Variants in CLIC2 observed in about 807,000 individuals in gnomAD.
CLIC2 encodes chloride intracellular channel protein 2.
Under a neutral mutation model 14.8 loss-of-function variants are expected in CLIC2, and 9 were observed. The observed-to-expected ratio is 0.61, with a 90% confidence interval of 0.37 to 1.06. The LOEUF is 1.06. Among genes scored for constraint, CLIC2 ranks in the 50% least tolerant of loss-of-function variants. The probability of loss-of-function intolerance (pLI) is 0.01; values close to 1 mark genes in which losing one functional copy is unlikely to be tolerated. For synonymous variants in CLIC2, 61 were observed against 66.3 expected (o/e 0.92, Z 0.39); for missense variants, 148 against 181.4 (o/e 0.82, Z 1.06).
intron 1 of CLIC2, among the ~76,000 whole-genome samples, chrX:155,317,831 AC>A (rs1195167137): frequency 2.0e-4 from 22 of 112,169 alleles, no homozygotes; most frequent in African/African-American, 7.1e-4. Flanking sequence ...ATTAAATCCA[AC>A]AGCATATCAA....
intron 3 of CLIC2, among the ~76,000 whole-genome samples, chrX:155,286,628 C>G (rs1298295909): frequency 8.9e-6 from 1 of 112,434 alleles, no homozygotes; most frequent in Non-Finnish European, 1.9e-5. Context: ...TTCTCCACAA[C>G]CTTGCCAGCA....
chrX:155,298,739 T>C, intron 3 of CLIC2, 46 bp downstream of exon 3: 1 of 1,196,768 alleles, frequency 8.4e-7, no homozygotes, highest in South Asian at 1.8e-5. Context: ...AACAAGCCAG[T>C]AAAATAGATT....
chrX:155,278,319 C>T lies in CLIC2; in HGVS notation c.583-255G>A, dbSNP rs782629134. ...TGACTATATTTAGAGGAAGGAACCA[C>T]AGAAAATGAGCACATATCCACCACG... On this transcript the variant is annotated intron_variant, in intron 5 of 5. Transcript: ENST00000369449. Among the ~76,000 whole-genome samples, 3 of 111,810 alleles carry T rather than the reference C, an allele frequency of 2.7e-5. No homozygotes were observed. The Admixed American group carries it at 2.8e-4, about 11-fold the overall frequency.
At chrX:155,327,848 G>A (rs496740) in intron 1 of CLIC2, among the ~76,000 whole-genome samples, 60,515 of 110,238 alleles carry the variant, frequency 0.55, 14,246 homozygotes, top group Middle Eastern at 0.78. Context: ...TGCAAGAATG[G>A]TTCAACATAC....
intron 1 of CLIC2, among the ~76,000 whole-genome samples, chrX:155,320,638 A>C (rs1018756541): frequency 1.8e-5 from 2 of 111,844 alleles, no homozygotes; most frequent in African/African-American, 6.5e-5. Flanking sequence ...AATTCCAAAA[A>C]CCAGAATGCC....
chrX:155,288,884 C>T (rs1278020165), intron 3 of CLIC2, among the ~76,000 whole-genome samples: 15 of 111,231 alleles, frequency 1.3e-4, no homozygotes, highest in Non-Finnish European at 2.4e-4. Flanking sequence ...GTGGCTCACA[C>T]CTGTAATCCC....
chrX:155,309,940 T>C (rs782490691), intron 1 of CLIC2, among the ~76,000 whole-genome samples: 1 of 112,106 alleles, frequency 8.9e-6, no homozygotes, highest in Non-Finnish European at 1.9e-5. Flanking sequence ...CATTTTAGCA[T>C]TTACTCAAAA....
chrX:155,299,146 C>T lies in CLIC2; in HGVS notation c.58-1G>A. The T allele has an allele frequency of 8.4e-7, 1 of 1,185,468 alleles. No individual in the cohort carries two copies. The highest frequency in any genetic ancestry group is 1.1e-6 in the Non-Finnish European group (1 of 872,210). The stretch of plus-strand genomic sequence containing the variant: ...CAATACTCTCTCCATCACTTCCAGC[C>T]TATTAAGATAAAGAGAGACCTCAGT... On this transcript the variant is annotated splice_acceptor_variant, in intron 1 of 5. Transcript: ENST00000369449. LOFTEE classifies it high-confidence loss of function.
intron 3 of CLIC2, among the ~76,000 whole-genome samples, chrX:155,288,416 T>A (rs1487151182): frequency 5.3e-5 from 6 of 112,157 alleles, no homozygotes; most frequent in Non-Finnish European, 9.4e-5. Flanking sequence ...TATTCTGGAA[T>A]GTCCATTTAC....
At chrX:155,297,778 C>T (rs1369563004) in intron 3 of CLIC2, among the ~76,000 whole-genome samples, 1 of 95,794 alleles carries the variant, frequency 1.0e-5, no homozygotes, top group Non-Finnish European at 2.1e-5. Flanking sequence ...GGCGTGAACC[C>T]GAGACCCGAG....
intron 1 of CLIC2, among the ~76,000 whole-genome samples, chrX:155,319,393 G>A (rs1557321371): frequency 1.8e-5 from 2 of 111,648 alleles, no homozygotes; most frequent in African/African-American, 6.5e-5. Flanking sequence ...GACAGTGGGT[G>A]TAGCCCAAGG....
chrX:155,314,941 T>C (rs782140968), intron 1 of CLIC2, among the ~76,000 whole-genome samples: 2 of 111,527 alleles, frequency 1.8e-5, no homozygotes, highest in African/African-American at 3.2e-5. Context: ...GACACACTTA[T>C]AGAAATGCAA....
At chrX:155,312,410 A>G (rs782767834) in intron 1 of CLIC2, among the ~76,000 whole-genome samples, 5 of 112,141 alleles carry the variant, frequency 4.5e-5, no homozygotes, top group African/African-American at 1.6e-4. Flanking sequence ...AGCACCATTT[A>G]TTGAATAAGG....
intron 1 of CLIC2, among the ~76,000 whole-genome samples, chrX:155,329,009 G>A (rs1557322584): frequency 9.0e-6 from 1 of 110,993 alleles, no homozygotes; most frequent in East Asian, 2.8e-4. Context: ...ACTACTAAAA[G>A]AAAACATTAG....
intron 1 of CLIC2, among the ~76,000 whole-genome samples, chrX:155,330,232 G>C (rs1211822813): frequency 1.8e-5 from 2 of 111,476 alleles, no homozygotes; most frequent in African/African-American, 6.5e-5. Context: ...ATGCTTGAGG[G>C]GATGAATATC....
chrX:155,327,263 A>T (rs1956663337), intron 1 of CLIC2, among the ~76,000 whole-genome samples: 1 of 111,636 alleles, frequency 9.0e-6, no homozygotes, highest in Admixed American at 9.6e-5. Context: ...AAATAAAAAT[A>T]GTTTGCAAAA....
At chrX:155,307,603 C>T (rs781804554) in intron 1 of CLIC2, among the ~76,000 whole-genome samples, 70 of 112,158 alleles carry the variant, frequency 6.2e-4, no homozygotes, top group South Asian at 4.5e-3. Flanking sequence ...GGGCAAGAGA[C>T]GCCAAGTGTG....
chrX:155,314,562 G>C (rs1325384626), intron 1 of CLIC2, among the ~76,000 whole-genome samples: 1 of 111,748 alleles, frequency 8.9e-6, no homozygotes, highest in Admixed American at 9.5e-5. Context: ...CCACCCCGTG[G>C]GAGAAAAGAA....
chrX:155,299,228 C>G, intron 1 of CLIC2, 83 bp from the exon 2 acceptor site: 1 of 726,478 alleles, frequency 1.4e-6, no homozygotes, highest in East Asian at 3.2e-5. Flanking sequence ...GAGCCAGTTG[C>G]TAGAGACAAA....
Sources: allele counts gnomAD v4.1 joint callset (sites outside exome capture counted in the v4.1 genomes callset), GRCh38; gene constraint gnomAD v4.1.1; transcripts MANE v1.5; gene names NCBI Gene and HGNC (gene_info 2026-07-23, HGNC 2026-07-21).